ZC3H14: variants seen among roughly 807,000 people sequenced by gnomAD.
ZC3H14 encodes the protein zinc finger CCCH domain-containing protein 14.
Under a neutral mutation model 92.4 loss-of-function variants are expected in ZC3H14, and 31 were observed. The observed-to-expected ratio is 0.34, with a 90% CI of 0.25 to 0.45. The LOEUF is 0.45. Ranked by LOEUF, ZC3H14 falls within the 20% of genes least tolerant of loss-of-function variation. ZC3H14 has a pLI of 1.00. For synonymous variants in ZC3H14, 321 were observed against 300.9 expected, an observed-to-expected ratio of 1.07 and a Z score of -0.69; for missense variants, 781 against 897.3, an observed-to-expected ratio of 0.87 and a Z score of 1.66.
At position 88,626,408 on chromosome 14, in the gene ZC3H14, C is replaced by T. The variant is rs2089951774; in HGVS notation, c.*14657C>T. 5.9e-6 allele frequency: 1 copy of T among 169,504 alleles called. No homozygotes were observed. Among genetic ancestry groups the T allele is most frequent in the Admixed American group, 5.5e-5 (1 of 18,036 alleles). 10.5% of individuals were successfully genotyped at this position (169,504 alleles called of 1,614,324 possible). ...AGGTCAAGATGGGAGGATCACATAG[C>T]TTAGGAGCTTGAGACCACCTAGGCA... On this transcript the variant is annotated 3_prime_UTR_variant, in exon 17 of 17. Transcript: ENST00000251038.
chr14:88,565,136 A>T (rs946667756), intron 2 of ZC3H14, among the ~76,000 whole-genome samples: 9 of 152,130 alleles, frequency 5.9e-5, no homozygotes, highest in Non-Finnish European at 1.0e-4. Flanking sequence ...TTTAAAAAAA[A>T]TTTGTTATTA....
At position 88,620,786 on chromosome 14, in the gene ZC3H14, C is replaced by T; in HGVS notation, c.*9035C>T. Reference sequence around the variant, plus strand: ...CATGGATTGCACATCTCCTGTCTCTCTTCTTTCCCCATATTTTTAGAGAAC... The same window carrying T: ...CATGGATTGCACATCTCCTGTCTCTTTTCTTTCCCCATATTTTTAGAGAAC... On this transcript the variant is annotated 3_prime_UTR_variant, in exon 17 of 17. Coordinates refer to ENST00000251038, the MANE Select transcript of ZC3H14 (RefSeq NM_024824.5). The surrounding 1 kb of genome is among the most constrained non-coding windows in gnomAD (Gnocchi z 4.3). 6.2e-7 allele frequency: 1 copy of T among 1,605,014 alleles called. No homozygotes were observed. Among genetic ancestry groups the T allele is most frequent in the Non-Finnish European group, 8.5e-7 (1 of 1,177,188 alleles).
At chr14:88,607,700 C>T (rs67254673) in intron 13 of ZC3H14, among the ~76,000 whole-genome samples, 66,128 of 114,668 alleles carry the variant, frequency 0.58, 21,894 homozygotes, top group Non-Finnish European at 0.72. Flanking sequence ...ACCACCCCCT[C>T]ATCTCACCCT....
intron 9 of ZC3H14, among the ~76,000 whole-genome samples, chr14:88,585,499 C>T (rs2082367399): frequency 6.6e-6 from 1 of 151,946 alleles, no homozygotes; most frequent in Admixed American, 6.5e-5. Flanking sequence ...GCCTCAGCCT[C>T]CCAAGTAGCT....
In ZC3H14 at chr14:88,625,087, C is replaced by G. The variant is rs1251037947; in HGVS notation, c.*13336C>G. 1 of 1,613,976 alleles carries G rather than the reference C, an allele frequency of 6.2e-7. No individual in the cohort carries two copies. The highest frequency in any genetic ancestry group is 2.2e-5 in the East Asian group (1 of 44,886). ...ACACAATATGTGATCTTTCCACACA[C>G]AGACATCACCACTGATGGTACCTGT... On this transcript the variant is annotated 3_prime_UTR_variant, in exon 17 of 17. Coordinates refer to ENST00000251038, the MANE Select transcript of ZC3H14 (RefSeq NM_024824.5).
rs960168298 is a variant in ZC3H14, at chr14:88,563,828, C to A, written c.79+135C>A. On this transcript the variant is annotated intron_variant, in intron 2 of 16. Transcript: ENST00000251038. Reference sequence around the variant, plus strand: ...TCTACCTTCTTCAAATCTTATACTCCCTGGTTACTTCTTTATCATCTTTTT... The same window carrying A: ...TCTACCTTCTTCAAATCTTATACTCACTGGTTACTTCTTTATCATCTTTTT... The A allele has an allele frequency of 3.6e-6, 3 of 843,812 alleles. No individual in the cohort carries two copies. The Admixed American group carries it at 6.5e-5, about 18-fold the overall frequency. 52.3% of individuals were successfully genotyped at this position (843,812 alleles called of 1,614,324 possible).
chr14:88,602,486 A>C (rs560086028), intron 11 of ZC3H14, among the ~76,000 whole-genome samples: 10 of 152,230 alleles, frequency 6.6e-5, no homozygotes, highest in African/African-American at 9.6e-5. Context: ...ATTAGCATAA[A>C]TGCTGCTGGC....
At position 88,601,536 on chromosome 14, in the gene ZC3H14, T is replaced by G. The variant is rs151207090; in HGVS notation, c.1355-388T>G. On this transcript the variant is annotated intron_variant, in intron 10 of 16. Transcript: ENST00000251038. ...TGTGCGAAGTGAACAAACCAGATTT[T>G]GGAAAAGTGGTTCAGCAGTCTGTGT... Among the ~76,000 whole-genome samples the G allele has an allele frequency of 8.3e-3, 1,271 of 152,362 alleles. 8 individuals are homozygous for G. Among genetic ancestry groups the G allele is most frequent in the Non-Finnish European group, 0.012 (824 of 68,028 alleles).
rs907643087 is a variant in ZC3H14, at chr14:88,612,153, T to G, written c.*402T>G. On this transcript the variant is annotated 3_prime_UTR_variant, in exon 17 of 17. Coordinates refer to ENST00000251038, the MANE Select transcript of ZC3H14 (RefSeq NM_024824.5). ...GAGGCAGTTGTCATTATTCTAAAAATTGTACTACTTTCACTTTTCCCAAAG... is the reference window on the plus strand; with the variant it reads ...GAGGCAGTTGTCATTATTCTAAAAAGTGTACTACTTTCACTTTTCCCAAAG... 5.5e-6 allele frequency: 1 copy of G among 182,512 alleles called. No individual in the cohort carries two copies. Among genetic ancestry groups the G allele is most frequent in the Non-Finnish European group, 1.1e-5 (1 of 87,138 alleles). 11.3% of individuals were successfully genotyped at this position (182,512 alleles called of 1,614,324 possible).
intron 13 of ZC3H14, 127 bp downstream of exon 13, chr14:88,607,490 A>C: frequency 2.3e-6 from 2 of 878,158 alleles, no homozygotes; most frequent in Non-Finnish European, 1.7e-6. Context: ...CATCCCCCAC[A>C]TCTCAACCCT....
intron 9 of ZC3H14, among the ~76,000 whole-genome samples, chr14:88,587,042 C>G (rs2082550519): frequency 6.6e-6 from 1 of 152,120 alleles, no homozygotes; most frequent in South Asian, 2.1e-4. Flanking sequence ...CAAGCTCATA[C>G]AGCAAAATCA....
intron 9 of ZC3H14, among the ~76,000 whole-genome samples, chr14:88,592,576 C>T (rs1026752411): frequency 3.4e-4 from 51 of 149,514 alleles, no homozygotes; most frequent in Non-Finnish European, 1.6e-4. Flanking sequence ...TCTCACTCAC[C>T]GCAGCCTCTG....
chr14:88,587,691 A>G (rs1045076368), intron 9 of ZC3H14, among the ~76,000 whole-genome samples: 3 of 152,142 alleles, frequency 2.0e-5, no homozygotes, highest in Non-Finnish European at 4.4e-5. Flanking sequence ...CACACCTGTA[A>G]TCCCAGCACT....
At chr14:88,569,689 G>T (rs2080146206) in intron 3 of ZC3H14, among the ~76,000 whole-genome samples, 2 of 152,202 alleles carry the variant, frequency 1.3e-5, no homozygotes, top group South Asian at 4.1e-4. Context: ...TGCAAGAGGA[G>T]GCACTGAGTG....
At chr14:88,611,040 T>TA (rs1439938343) in intron 16 of ZC3H14, 100 bp downstream of exon 16, 5 of 1,170,518 alleles carry the variant, frequency 4.3e-6, no homozygotes, top group Non-Finnish European at 6.2e-6. Context: ...ACTAGACTGT[T>TA]ACTTTGAATT....
rs1211329244 is a variant in ZC3H14 at position 88,616,037 on chromosome 14, A to C, written c.*4286A>C. The C allele has an allele frequency of 1.5e-6, 2 of 1,322,244 alleles. No individual in the cohort carries two copies. The highest frequency in any genetic ancestry group is 2.9e-5 in the African/African-American group (2 of 68,024). 81.9% of individuals were successfully genotyped at this position (1,322,244 alleles called of 1,614,324 possible). ...CCATCTGGTTATACTACCTTCTACT[A>C]ATGTTGACTAGCTGATTTCATAAAC... On this transcript the variant is annotated 3_prime_UTR_variant, in exon 17 of 17. Transcript: ENST00000251038.
At chr14:88,588,104 A>C (rs1452565037) in intron 9 of ZC3H14, among the ~76,000 whole-genome samples, 1 of 150,912 alleles carries the variant, frequency 6.6e-6, no homozygotes, top group East Asian at 2.0e-4. Flanking sequence ...CCTGTACTGT[A>C]GCCTAAAAGT....
intron 10 of ZC3H14, among the ~76,000 whole-genome samples, chr14:88,597,896 C>T (rs2084065052): frequency 6.6e-6 from 1 of 152,218 alleles, no homozygotes; most frequent in African/African-American, 2.4e-5. Flanking sequence ...GCAAGTAGTT[C>T]TGTGAGGCTT....
At chr14:88,588,175 T>C (rs1040459489) in intron 9 of ZC3H14, among the ~76,000 whole-genome samples, 2 of 152,180 alleles carry the variant, frequency 1.3e-5, no homozygotes, top group African/African-American at 2.4e-5. Context: ...ACCTTCCTCC[T>C]GGAGCCTCTC....
Sources: allele counts gnomAD v4.1 joint callset (sites outside exome capture counted in the v4.1 genomes callset), GRCh38; gene constraint gnomAD v4.1.1; non-coding constraint Gnocchi (gnomAD v3.1); transcripts MANE v1.5; gene names NCBI Gene and HGNC (gene_info 2026-07-23, HGNC 2026-07-21).